The following ADAR variants were observed in gnomAD, a reference collection of about 807,000 sequenced individuals.
The protein encoded by ADAR is double-stranded RNA-specific adenosine deaminase.
A neutral mutation model predicts 113.2 loss-of-function variants in ADAR; 41 were observed. The observed-to-expected ratio is 0.36, with a 90% CI of 0.28 to 0.47. The LOEUF (loss-of-function observed/expected upper bound fraction) is 0.47. Ranked by LOEUF, ADAR falls within the 20% of genes least tolerant of loss-of-function variation. ADAR has a pLI of 1.00. For synonymous variants in ADAR, 605 were observed against 572.6 expected (o/e 1.06, Z -0.81); for missense variants, 1,242 against 1,540.9 (o/e 0.81, Z 3.25).
chr1:154,585,728 G>A, intron 13 of ADAR, 25 bp downstream of exon 13: 2 of 1,582,072 alleles, frequency 1.3e-6, no homozygotes, highest in African/African-American at 1.3e-5. Flanking sequence ...AAAATGTCAG[G>A]GAAAATAGAA....
chr1:154,616,602 A>G (rs1397497669), intron 1 of ADAR, among the ~76,000 whole-genome samples: 1 of 151,654 alleles, frequency 6.6e-6, no homozygotes, highest in Non-Finnish European at 1.5e-5. Context: ...TCTCTTTTGG[A>G]GCATATTTAC....
chr1:154,605,715 T>G (rs912190160), intron 1 of ADAR, among the ~76,000 whole-genome samples: 4 of 152,170 alleles, frequency 2.6e-5, no homozygotes, highest in Admixed American at 6.5e-5. Context: ...CATTTCTTTC[T>G]TGTTCCTCTT....
intron 1 of ADAR, among the ~76,000 whole-genome samples, chr1:154,623,928 G>GAACCTA (rs1277413434): frequency 2.6e-5 from 4 of 151,994 alleles, no homozygotes; most frequent in African/African-American, 9.7e-5. Flanking sequence ...ACTTGAACCT[G>GAACCTA]GGAGGTGGAG....
intron 1 of ADAR, among the ~76,000 whole-genome samples, chr1:154,614,114 A>C (rs1214746764): frequency 6.6e-6 from 1 of 152,204 alleles, no homozygotes; most frequent in Non-Finnish European, 1.5e-5. Context: ...ATGTAAAATA[A>C]TACTAATAAT....
At chr1:154,604,582 G>C (rs1698078797) in intron 1 of ADAR, among the ~76,000 whole-genome samples, 1 of 152,206 alleles carries the variant, frequency 6.6e-6, no homozygotes, top group African/African-American at 2.4e-5. Context: ...ACATGCCTTA[G>C]TTCACTGTGG....
chr1:154,607,966 G>C, intron 1 of ADAR, 26 bp downstream of exon 1: 6 of 1,611,700 alleles, frequency 3.7e-6, no homozygotes, highest in Non-Finnish European at 5.1e-6. Flanking sequence ...AGACGGCGGC[G>C]AAGGTCCAAG....
intron 1 of ADAR, among the ~76,000 whole-genome samples, chr1:154,606,187 G>A (rs1435727003): frequency 1.3e-5 from 2 of 151,984 alleles, no homozygotes; most frequent in Non-Finnish European, 2.9e-5. Flanking sequence ...GATTACAGGC[G>A]CACGCCACCA....
chr1:154,627,053 C>T (rs1226588678), intron 1 of ADAR, among the ~76,000 whole-genome samples: 1 of 152,138 alleles, frequency 6.6e-6, no homozygotes, highest in Non-Finnish European at 1.5e-5. Flanking sequence ...AGTCTCCTCC[C>T]GTGGCAGCCT....
intron 6 of ADAR, 78 bp from the exon 7 acceptor site, chr1:154,590,487 G>T (rs1697073099): frequency 8.6e-6 from 12 of 1,393,248 alleles, no homozygotes; most frequent in Admixed American, 3.4e-5. Flanking sequence ...TTTTGCTGAA[G>T]ATGTGGCCAG....
chr1:154,590,140 G>GTGCC, intron 7 of ADAR, 44 bp downstream of exon 7: 1 of 1,373,186 alleles, frequency 7.3e-7, no homozygotes. Context: ...GAGTTAGGAG[G>GTGCC]ACCCCCCCGC....
chr1:154,591,359 T>C lies in ADAR; in HGVS notation c.2271-950A>G, dbSNP rs138731237. Reference sequence around the variant, plus strand: ...ACTCCATTCCCTCATTTACTTCCTATTAGCTCAAGGGGACTTGACCTGGAG... The same window carrying C: ...ACTCCATTCCCTCATTTACTTCCTACTAGCTCAAGGGGACTTGACCTGGAG... On this transcript the variant is annotated intron_variant, in intron 6 of 14. Coordinates refer to ENST00000368474, the MANE Select transcript of ADAR (RefSeq NM_001111.5). Among the ~76,000 whole-genome samples, 343 of 152,384 alleles carry C rather than the reference T, an allele frequency of 2.3e-3. 1 individual carries two copies. The highest frequency in any genetic ancestry group is 3.7e-3 in the Admixed American group (57 of 15,312).
intron 9 of ADAR, 142 bp downstream of exon 9, chr1:154,589,227 G>T (rs1205893590): frequency 1.4e-6 from 1 of 721,136 alleles, no homozygotes; most frequent in Non-Finnish European, 2.5e-6. Context: ...TCAAATGGAC[G>T]GGTGAAAAGC....
Position 154,602,612 on chromosome 1 carries a change from G to A in ADAR, c.30C>T (p.Ser10=), listed in dbSNP as rs769752403. ...CTTGAAATGGATGGGTGTAGTATCC[G>A]CTGAGGGAATACCCCTGCAGAATAA... is the stretch of plus-strand genomic sequence containing the variant. The part of the protein sequence containing the change: MNPRQGYSL[S]GYYTHPFQGY... The change falls in exon 2 of 15, where the codon AGC becomes AGT. Residue 10 remains serine, a synonymous_variant. Coordinates refer to ENST00000368474, the MANE Select transcript of ADAR (RefSeq NM_001111.5). 5.0e-5 allele frequency: 80 copies of A among 1,614,020 alleles called. 1 individual carries two copies. In the East Asian group the frequency reaches 6.9e-4, roughly 14 times the overall value.
intron 7 of ADAR, 65 bp from the exon 8 acceptor site, chr1:154,589,993 G>A: frequency 6.3e-7 from 1 of 1,597,804 alleles, no homozygotes; most frequent in South Asian, 1.1e-5. Flanking sequence ...ATTCACCGTG[G>A]GCAGGGAGAT....
In ADAR at chr1:154,583,812, C is replaced by T. The variant is rs1440831686; in HGVS notation, c.*994G>A. Reference sequence around the variant, plus strand: ...ACCGGGTGGAACAGTGACGTTAAGCCAACAGGATTTTTTGCCCTTATTCTT... The same window carrying T: ...ACCGGGTGGAACAGTGACGTTAAGCTAACAGGATTTTTTGCCCTTATTCTT... On this transcript the variant is annotated 3_prime_UTR_variant, in exon 15 of 15. Transcript: ENST00000368474. 1.3e-5 allele frequency: 2 copies of T among 152,210 alleles called. No individual in the cohort carries two copies. The highest frequency in any genetic ancestry group is 1.9e-4 in the East Asian group (1 of 5,202). The allele number at this position is 152,210 out of a possible 1,614,324, so 9.4% of individuals were successfully genotyped here. A position where few individuals can be genotyped will look rare whatever the true frequency, so the allele number is the denominator to read the frequency against.
chr1:154,608,031 C>A lies in ADAR; in HGVS notation c.-25G>T, dbSNP rs777048253. On this transcript the variant is annotated 5_prime_UTR_variant, in exon 1 of 15. Coordinates refer to ENST00000368474, the MANE Select transcript of ADAR (RefSeq NM_001111.5). ...TTGCGCCCGCGAGGCATTGCCCGGC[C>A]CGACCCGCCGGCGGCACGACCCTGG... The A allele has an allele frequency of 8.3e-6, 13 of 1,569,496 alleles. No individual in the cohort carries two copies. In the Middle Eastern group the frequency reaches 8.3e-4, roughly 101 times the overall value.
At chr1:154,626,187 T>C (rs1009868897) in intron 1 of ADAR, among the ~76,000 whole-genome samples, 1 of 147,008 alleles carries the variant, frequency 6.8e-6, no homozygotes, top group Non-Finnish European at 1.5e-5. Context: ...GGATATTGGC[T>C]CACTGCAACC....
At chr1:154,599,099 A>T (rs371757172) in intron 2 of ADAR, among the ~76,000 whole-genome samples, 3 of 152,140 alleles carry the variant, frequency 2.0e-5, no homozygotes, top group South Asian at 4.1e-4. Context: ...CCCTAGACCT[A>T]TATCACCGTA....
Position 154,584,446 on chromosome 1 carries a change from G to A in ADAR, c.*360C>T, listed in dbSNP as rs1015428733. The A allele has an allele frequency of 4.4e-5, 11 of 248,102 alleles. No homozygotes were observed. In the East Asian group the frequency reaches 8.7e-4, roughly 20 times the overall value. The allele number at this position is 248,102 out of a possible 1,614,324, so 15.4% of individuals were successfully genotyped here. ...TGAAACCTAATCAAGACCGCAAGAG[G>A]TCAGTGTAGCAAACACAAAGGGAAA... is the stretch of plus-strand genomic sequence containing the variant. On this transcript the variant is annotated 3_prime_UTR_variant, in exon 15 of 15. Coordinates refer to ENST00000368474, the MANE Select transcript of ADAR (RefSeq NM_001111.5).
Sources: gnomAD v4.1 joint callset for allele counts (sites outside exome capture counted in the v4.1 genomes callset) on GRCh38, gnomAD v4.1.1 for gene constraint, MANE v1.5 for transcripts, NCBI Gene and HGNC (gene_info 2026-07-23, HGNC 2026-07-21) for gene names.